NRXN3: variants seen among roughly 807,000 people sequenced by gnomAD.
NRXN3 encodes the protein neurexin III.
In NRXN3, 32 loss-of-function variants were observed where a neutral mutation model predicts 137.6. The observed-to-expected ratio is 0.23, with a 90% CI of 0.18 to 0.31. The LOEUF (loss-of-function observed/expected upper bound fraction) is 0.31, where lower values mean the gene tolerates loss of function less well. Ranked by LOEUF, NRXN3 falls within the 10% of genes least tolerant of loss-of-function variation. NRXN3 has a pLI of 1.00. For synonymous variants in NRXN3, 798 were observed against 784.5 expected, an observed-to-expected ratio of 1.02 and a Z score of -0.29; for missense variants, 1,574 against 2,062.5, an observed-to-expected ratio of 0.76 and a Z score of 4.59.
intron 15 of NRXN3, among the ~76,000 whole-genome samples, chr14:79,401,470 C>T (rs1323746275): frequency 6.6e-6 from 1 of 152,176 alleles, no homozygotes; most frequent in Non-Finnish European, 1.5e-5. Context: ...TGTGTTTTAA[C>T]AAGCCTTCTG....
chr14:79,266,890 G>A lies in NRXN3; in HGVS notation c.3263-200331G>A, dbSNP rs577941779. Among the ~76,000 whole-genome samples, 53 of 152,244 alleles carry A rather than the reference G, an allele frequency of 3.5e-4. 1 individual carries two copies. The highest frequency in any genetic ancestry group is 8.9e-4 in the African/African-American group (37 of 41,550). ...AATGTAACCCCAGGTTGCAATTCCC[G>A]TTTTTAGAGAGGTAACACAAAATAT... On this transcript the variant is annotated intron_variant, in intron 15 of 20. Coordinates refer to ENST00000335750, the MANE Select transcript of NRXN3 (RefSeq NM_001330195.2).
chr14:78,746,509 A>AT (rs1417651132), intron 8 of NRXN3, among the ~76,000 whole-genome samples: 2 of 152,270 alleles, frequency 1.3e-5, no homozygotes, highest in East Asian at 3.9e-4. Flanking sequence ...CTGTTTGCTG[A>AT]TTTTACAAGC....
chr14:78,531,950 A>G (rs998311682), intron 4 of NRXN3, among the ~76,000 whole-genome samples: 2 of 152,046 alleles, frequency 1.3e-5, no homozygotes, highest in African/African-American at 4.8e-5. Flanking sequence ...CCAAAATATC[A>G]CCAGTTTTTT....
At chr14:78,291,639 A>G (rs1015111836) in intron 3 of NRXN3, among the ~76,000 whole-genome samples, 11 of 152,128 alleles carry the variant, frequency 7.2e-5, no homozygotes, top group African/African-American at 2.7e-4. Flanking sequence ...TTCCCCCTTC[A>G]GTATCTACTG....
At chr14:78,620,432 A>G (rs2097391244) in intron 4 of NRXN3, among the ~76,000 whole-genome samples, 1 of 152,174 alleles carries the variant, frequency 6.6e-6, no homozygotes, top group African/African-American at 2.4e-5. Flanking sequence ...CACAGTAAAC[A>G]CATCACTGCA....
At chr14:79,004,259 C>A (rs563392706) in intron 15 of NRXN3, among the ~76,000 whole-genome samples, 1 of 151,302 alleles carries the variant, frequency 6.6e-6, no homozygotes, top group African/African-American at 2.5e-5. Flanking sequence ...TTGATAATTT[C>A]TTTCTTTCTT....
intron 9 of NRXN3, among the ~76,000 whole-genome samples, chr14:78,808,255 C>T (rs1216814856): frequency 6.6e-6 from 1 of 152,184 alleles, no homozygotes; most frequent in African/African-American, 2.4e-5. Flanking sequence ...AGACCGCATC[C>T]ACTTTACATG....
intron 9 of NRXN3, among the ~76,000 whole-genome samples, chr14:78,808,967 A>G (rs2098894149): frequency 6.6e-6 from 1 of 151,926 alleles, no homozygotes. Context: ...AAAAAAAATC[A>G]TTTCGCTTCT....
In NRXN3 at chr14:79,540,865, C is replaced by A. The variant is rs185067077; in HGVS notation, c.3444+73463C>A. 2.6e-5 allele frequency among the ~76,000 whole-genome samples: 4 copies of A among 152,260 alleles called. No individual in the cohort carries two copies. The East Asian group carries it at 7.7e-4, about 29-fold the overall frequency. ...CTGGAGGAGTGTCTGAATTTTCCAA[C>A]ATGAAAAGGACCACAAACTTGGTGG... On this transcript the variant is annotated intron_variant, in intron 16 of 20. Coordinates refer to ENST00000335750, the MANE Select transcript of NRXN3 (RefSeq NM_001330195.2).
chr14:78,460,483 G>T (rs1236402261), intron 4 of NRXN3, among the ~76,000 whole-genome samples: 3 of 152,194 alleles, frequency 2.0e-5, no homozygotes, highest in Non-Finnish European at 4.4e-5. Context: ...ACACTATGGC[G>T]ATTCCAAGGA....
intron 1 of NRXN3, among the ~76,000 whole-genome samples, chr14:78,211,935 T>A (rs560792601): frequency 6.6e-6 from 1 of 152,336 alleles, no homozygotes; most frequent in Admixed American, 6.5e-5. Context: ...AGTGAAAGCA[T>A]AAGGCTGACT....
chr14:79,104,344 A>C (rs1413227178), intron 15 of NRXN3, among the ~76,000 whole-genome samples: 1 of 152,186 alleles, frequency 6.6e-6, no homozygotes, highest in Non-Finnish European at 1.5e-5. Flanking sequence ...CGAATGGATG[A>C]ATGAGTTAAT....
intron 10 of NRXN3, among the ~76,000 whole-genome samples, chr14:78,890,579 A>C (rs1169300055): frequency 6.6e-6 from 1 of 151,744 alleles, no homozygotes; most frequent in African/African-American, 2.4e-5. Context: ...ACAAGCAGAA[A>C]GGAGGTCTGC....
At chr14:79,499,592 A>G (rs1210702766) in intron 16 of NRXN3, among the ~76,000 whole-genome samples, 2 of 152,218 alleles carry the variant, frequency 1.3e-5, no homozygotes, top group Admixed American at 1.3e-4. Context: ...AATCACTGCT[A>G]TAACTTCAGT....
chr14:78,880,975 G>A (rs987171280), intron 10 of NRXN3, among the ~76,000 whole-genome samples: 1 of 152,044 alleles, frequency 6.6e-6, no homozygotes, highest in Non-Finnish European at 1.5e-5. Flanking sequence ...TAAATCACGG[G>A]GGCAATTACC....
intron 4 of NRXN3, among the ~76,000 whole-genome samples, chr14:78,317,137 C>CT (rs2153554149): frequency 6.6e-6 from 1 of 152,288 alleles, no homozygotes; most frequent in South Asian, 2.1e-4. Flanking sequence ...CAATCCCAGT[C>CT]TGAGGGCAGG....
intron 15 of NRXN3, among the ~76,000 whole-genome samples, chr14:79,297,885 G>C (rs2084457370): frequency 6.6e-6 from 1 of 152,076 alleles, no homozygotes; most frequent in African/African-American, 2.4e-5. Flanking sequence ...CATTTATATA[G>C]TGCTTCACAA....
intron 1 of NRXN3, among the ~76,000 whole-genome samples, chr14:78,198,559 T>G (rs932223440): frequency 2.0e-5 from 3 of 152,210 alleles, no homozygotes; most frequent in African/African-American, 7.2e-5. Context: ...AAAGTGGCAG[T>G]ATCATAAAGG....
At chr14:79,490,646 G>A (rs983214281) in intron 16 of NRXN3, among the ~76,000 whole-genome samples, 1 of 148,688 alleles carries the variant, frequency 6.7e-6, no homozygotes, top group Non-Finnish European at 1.5e-5. Context: ...ATAGAGAATA[G>A]AAGGATGGTT....
Sources: allele counts gnomAD v4.1 joint callset (sites outside exome capture counted in the v4.1 genomes callset), GRCh38; gene constraint gnomAD v4.1.1; transcripts MANE v1.5; gene names NCBI Gene and HGNC (gene_info 2026-07-23, HGNC 2026-07-21).